SWT1: variants seen among roughly 807,000 people sequenced by gnomAD.
SWT1 encodes the protein SWT1 RNA endoribonuclease homolog.
SWT1 carries 33 observed loss-of-function variants against 107.3 expected under a neutral mutation model. The ratio of observed to expected loss-of-function variants is 0.31; its 90% CI spans 0.23 to 0.41. The LOEUF (loss-of-function observed/expected upper bound fraction) is 0.41. Among genes scored for constraint, SWT1 ranks in the 10% least tolerant of loss-of-function variants. SWT1 has a pLI of 1.00. For missense variants in SWT1, 898 were observed against 1,028.9 expected, an observed-to-expected ratio of 0.87 and a Z score of 1.74; for synonymous variants, 345 against 348.3, an observed-to-expected ratio of 0.99 and a Z score of 0.11.
chr1:185,222,939 C>T lies in SWT1; in HGVS notation c.2309+903C>T, dbSNP rs77382172. Among the ~76,000 whole-genome samples the T allele has an allele frequency of 5.8e-3, 884 of 152,196 alleles. 32 individuals are homozygous for T. In the East Asian group the frequency reaches 0.094, roughly 16 times the overall value. On this transcript the variant is annotated intron_variant, in intron 15 of 18. Coordinates refer to ENST00000367500, the MANE Select transcript of SWT1 (RefSeq NM_017673.7). ...CAACCTCTCCTCATTCTCCCATCTC[C>T]GTTCTCTAGTGACCACTGTTCTACT...
intron 15 of SWT1, among the ~76,000 whole-genome samples, chr1:185,223,929 T>G (rs1357431805): frequency 6.6e-6 from 1 of 152,166 alleles, no homozygotes; most frequent in Non-Finnish European, 1.5e-5. Context: ...ATTAGTTTGC[T>G]AAGGATAATG....
Position 185,290,727 on chromosome 1 carries a change from A to G in SWT1, c.2627A>G (p.Gln876Arg), listed in dbSNP as rs1313065240. Reference sequence around the variant, plus strand: ...CTGGTTGAGATGGAATATACCATGCAGCAGTGCAATGCATCTGTTTATATG... The same window carrying G: ...CTGGTTGAGATGGAATATACCATGCGGCAGTGCAATGCATCTGTTTATATG... ...RQLVEMEYTMQQCNASVYMEA... is the reference protein window; with the variant it reads ...RQLVEMEYTMRQCNASVYMEA... The change falls in exon 19 of 19, where the codon CAG (glutamine) becomes CGG (arginine). Residue 876 changes from glutamine to arginine, a missense_variant. Physicochemically the swap from Gln to Arg is conservative, Grantham distance 43 (BLOSUM62 1). Transcript: ENST00000367500. 1 of 1,610,684 alleles carries G rather than the reference A, an allele frequency of 6.2e-7. No individual in the cohort carries two copies.
At chr1:185,194,445 T>C (rs1271925425) in intron 10 of SWT1, among the ~76,000 whole-genome samples, 1 of 152,166 alleles carries the variant, frequency 6.6e-6, no homozygotes, top group East Asian at 1.9e-4. Flanking sequence ...AAACTTCTTA[T>C]GGTTGTTTTA....
At chr1:185,162,968 GTAA>G (rs993410305) in intron 2 of SWT1, among the ~76,000 whole-genome samples, 7 of 151,892 alleles carry the variant, frequency 4.6e-5, no homozygotes, top group African/African-American at 1.7e-4. Context: ...TCTAAAAGTA[GTAA>G]TAATAAATTT....
At chr1:185,284,299 G>A (rs1409920596) in intron 18 of SWT1, among the ~76,000 whole-genome samples, 2 of 152,182 alleles carry the variant, frequency 1.3e-5, no homozygotes, top group Non-Finnish European at 2.9e-5. Context: ...CATTTTTAGT[G>A]GGTTGGCTTT....
chr1:185,166,438 G>A (rs1318544044), intron 2 of SWT1, 134 bp from the exon 3 acceptor site: 2 of 573,810 alleles, frequency 3.5e-6, no homozygotes, highest in Admixed American at 3.4e-5. Context: ...TTGTGTATCT[G>A]TAAACATTGT....
chr1:185,166,492 T>C (rs1347912996), intron 2 of SWT1, 80 bp from the exon 3 acceptor site: 3 of 838,512 alleles, frequency 3.6e-6, no homozygotes, highest in Admixed American at 4.8e-5. Flanking sequence ...TGATTTGTAA[T>C]ACTAGTGATG....
In SWT1 at chr1:185,181,926, T is replaced by G. The variant is rs183066499; in HGVS notation, c.1027-20T>G. ...TGCAAAGTAACTCAAAATATTTCAC[T>G]GGGGTCTTTTACACTTTAGATGCAG... On this transcript the variant is annotated intron_variant, in intron 6 of 18. Coordinates refer to ENST00000367500, the MANE Select transcript of SWT1 (RefSeq NM_017673.7). 5.0e-6 allele frequency: 8 copies of G among 1,612,988 alleles called. No homozygotes were observed. Among genetic ancestry groups the G allele is most frequent in the Non-Finnish European group, 6.8e-6 (8 of 1,179,580 alleles).
intron 16 of SWT1, among the ~76,000 whole-genome samples, chr1:185,240,424 G>A (rs1661183607): frequency 6.6e-6 from 1 of 151,780 alleles, no homozygotes; most frequent in African/African-American, 2.4e-5. Context: ...AGAGGCAGAG[G>A]GAATTTCTAT....
chr1:185,255,621 TC>T (rs1176748430), intron 16 of SWT1, among the ~76,000 whole-genome samples: 21 of 127,606 alleles, frequency 1.6e-4, no homozygotes, highest in African/African-American at 6.7e-4. Context: ...TTTTTTGTTT[TC>T]CATTTGCTTG....
At chr1:185,280,989 T>C in intron 18 of SWT1, 1 of 399,110 alleles carries the variant, frequency 2.5e-6, no homozygotes, top group South Asian at 2.1e-5. Context: ...ATACTTGATA[T>C]GTCCAAGAGT....
intron 10 of SWT1, among the ~76,000 whole-genome samples, chr1:185,191,837 T>C (rs1656975064): frequency 6.6e-6 from 1 of 152,200 alleles, no homozygotes; most frequent in Non-Finnish European, 1.5e-5. Context: ...ATTTGTACAT[T>C]CACTGCTTTT....
intron 3 of SWT1, 93 bp from the exon 4 acceptor site, chr1:185,168,247 A>G: frequency 1.4e-6 from 1 of 730,264 alleles, no homozygotes; most frequent in Non-Finnish European, 2.0e-6. Context: ...AAGATTAAGT[A>G]AAAGTATTGT....
At chr1:185,162,289 T>C (rs984656383) in intron 2 of SWT1, among the ~76,000 whole-genome samples, 4 of 152,240 alleles carry the variant, frequency 2.6e-5, no homozygotes, top group Non-Finnish European at 2.9e-5. Context: ...GCTAAATCCA[T>C]TGGTCATTTC....
chr1:185,157,845 G>A (rs962405243), intron 1 of SWT1, among the ~76,000 whole-genome samples: 2 of 152,006 alleles, frequency 1.3e-5, no homozygotes. Context: ...ATTTTGATGC[G>A]TTTCAGATCC....
At chr1:185,261,156 T>C (rs551274393) in intron 16 of SWT1, among the ~76,000 whole-genome samples, 27 of 152,278 alleles carry the variant, frequency 1.8e-4, no homozygotes, top group Non-Finnish European at 2.9e-4. Flanking sequence ...TGAAACTCTG[T>C]ACCCATTATA....
chr1:185,211,962 A>C (rs1658849020), intron 13 of SWT1, among the ~76,000 whole-genome samples: 1 of 152,184 alleles, frequency 6.6e-6, no homozygotes, highest in African/African-American at 2.4e-5. Flanking sequence ...AAGGACAAAA[A>C]ACCAAACACT....
intron 13 of SWT1, among the ~76,000 whole-genome samples, chr1:185,213,704 C>T (rs1252216384): frequency 6.6e-6 from 1 of 152,076 alleles, no homozygotes; most frequent in East Asian, 1.9e-4. Flanking sequence ...AGGTAGCATT[C>T]TGCTTTAATA....
At chr1:185,165,366 G>A in intron 2 of SWT1, among the ~76,000 whole-genome samples, 1 of 152,122 alleles carries the variant, frequency 6.6e-6, no homozygotes, top group East Asian at 1.9e-4. Context: ...TAATAGACTT[G>A]CCATAAACCT....
Sources: allele counts gnomAD v4.1 joint callset (sites outside exome capture counted in the v4.1 genomes callset), GRCh38; gene constraint gnomAD v4.1.1; transcripts MANE v1.5; gene names NCBI Gene and HGNC (gene_info 2026-07-23, HGNC 2026-07-21).